The following TPST2 variants were observed in gnomAD, a reference collection of about 807,000 sequenced individuals.
TPST2 encodes the protein tyrosylprotein sulfotransferase 2, also known as protein-tyrosine sulfotransferase 2.
In TPST2, 16 loss-of-function variants were observed where a neutral mutation model predicts 27.8. The ratio of observed to expected loss-of-function variants is 0.58; its 90% CI spans 0.39 to 0.88. The LOEUF is 0.88. Ranked by LOEUF, TPST2 falls within the 40% of genes least tolerant of loss-of-function variation. The pLI, the probability that TPST2 is intolerant of heterozygous loss-of-function variation, is 0.00. For synonymous variants in TPST2, 229 were observed against 231.7 expected (o/e 0.99, Z 0.10); for missense variants, 464 against 543.1 (o/e 0.85, Z 1.45).
chr22:26,543,088 A>T (rs1029893581), intron 2 of TPST2: 9 of 152,218 alleles, frequency 5.9e-5, no homozygotes, highest in African/African-American at 9.6e-5. Flanking sequence ...CAGCTGCAAA[A>T]TCAGGGTGGA....
At chr22:26,560,489 TGG>T in intron 1 of TPST2, 1 of 783,884 alleles carries the variant, frequency 1.3e-6, no homozygotes, top group South Asian at 1.5e-5. Flanking sequence ...GGACGGGCAC[TGG>T]GCGACTGTGC....
intron 1 of TPST2, among the ~76,000 whole-genome samples, chr22:26,579,204 A>G (rs944908711): frequency 6.6e-6 from 1 of 152,152 alleles, no homozygotes; most frequent in African/African-American, 2.4e-5. Flanking sequence ...CAAAACTCTT[A>G]GCCATCAAAT....
chr22:26,567,925 G>A (rs1479115834), intron 1 of TPST2, among the ~76,000 whole-genome samples: 1 of 152,220 alleles, frequency 6.6e-6, no homozygotes, highest in African/African-American at 2.4e-5. Context: ...TGGCAAGGAT[G>A]TAATGCAACC....
At chr22:26,550,840 G>C (rs377385404) in intron 1 of TPST2, among the ~76,000 whole-genome samples, 1 of 152,322 alleles carries the variant, frequency 6.6e-6, no homozygotes, top group African/African-American at 2.4e-5. Context: ...GGGGAAGCCA[G>C]CCAAGAAAGC....
At chr22:26,536,570 G>A (rs1429254527) in intron 3 of TPST2, 84 bp from the exon 4 acceptor site, 4 of 1,299,064 alleles carry the variant, frequency 3.1e-6, no homozygotes, top group Non-Finnish European at 1.0e-6. Context: ...CTCTGGGGCA[G>A]CAGGAAAGAC....
intron 1 of TPST2, among the ~76,000 whole-genome samples, chr22:26,576,027 T>A (rs9613217): frequency 2.7e-5 from 4 of 150,402 alleles, no homozygotes; most frequent in Admixed American, 6.6e-5. Flanking sequence ...AAATAAAAAA[T>A]AAATAAATAA....
At chr22:26,579,155 C>A (rs1269189272) in intron 1 of TPST2, among the ~76,000 whole-genome samples, 1 of 152,170 alleles carries the variant, frequency 6.6e-6, no homozygotes, top group Non-Finnish European at 1.5e-5. Context: ...TGTGCCCAGC[C>A]TGGAGGCAAG....
intron 2 of TPST2, among the ~76,000 whole-genome samples, chr22:26,542,041 A>G (rs1925880658): frequency 6.6e-6 from 1 of 151,404 alleles, no homozygotes; most frequent in Non-Finnish European, 1.5e-5. Context: ...CAGGAGATCG[A>G]GACCATCCTG....
Position 26,541,429 on chromosome 22 carries a change from T to G in TPST2, c.202A>C (p.Met68Leu). 1 of 1,584,472 alleles carries G rather than the reference T, an allele frequency of 6.3e-7. No individual in the cohort carries two copies. Among genetic ancestry groups the G allele is most frequent in the East Asian group, 2.2e-5 (1 of 44,472 alleles). Residue 68 changes from methionine (M) to leucine (L), a missense_variant, in exon 3 of 7, where the codon ATG (methionine) becomes CTG (leucine). Transcript: ENST00000338754. This position sits in a 1 kb window ranked among gnomAD's most constrained non-coding sequence, Gnocchi z 5.9. ...NHVEYRYGKAMPLIFVGGVPR... is the reference protein window; with the variant it reads ...NHVEYRYGKALPLIFVGGVPR... ...ACGCCACCCACGAAGATGAGCGGCA[T>G]GGCCTTGCCATAGCGGTATTCCACG...
chr22:26,553,974 C>T (rs966062108), intron 1 of TPST2, among the ~76,000 whole-genome samples: 1 of 152,092 alleles, frequency 6.6e-6, no homozygotes, highest in Admixed American at 6.6e-5. Context: ...GCTGAATCCC[C>T]GCATGCAGAA....
chr22:26,577,773 C>A (rs1927915938), intron 1 of TPST2, among the ~76,000 whole-genome samples: 1 of 151,536 alleles, frequency 6.6e-6, no homozygotes, highest in South Asian at 2.1e-4. Context: ...ATTCTCCTGC[C>A]TCAGCCTCCT....
chr22:26,557,325 T>C (rs926250803), intron 1 of TPST2, among the ~76,000 whole-genome samples: 5 of 152,220 alleles, frequency 3.3e-5, no homozygotes, highest in Non-Finnish European at 5.9e-5. Flanking sequence ...CCCAGACCCT[T>C]GGCAGCATCA....
intron 1 of TPST2, among the ~76,000 whole-genome samples, chr22:26,578,855 T>C (rs1309592264): frequency 6.8e-6 from 1 of 146,186 alleles, no homozygotes; most frequent in African/African-American, 2.5e-5. Context: ...CTTTCTTTCT[T>C]TTTTTTTTTT....
chr22:26,583,459 C>T (rs931910518), intron 1 of TPST2, among the ~76,000 whole-genome samples: 6 of 109,290 alleles, frequency 5.5e-5, no homozygotes, highest in Admixed American at 1.0e-4. Context: ...AAAAAAAATG[C>T]CTTGAGGGCT....
rs957275487 is a variant in TPST2, at chr22:26,526,167, G to GT, written c.*107dup. The GT allele has an allele frequency of 6.6e-6, 1 of 152,200 alleles. No homozygotes were observed. Among genetic ancestry groups the GT allele is most frequent in the Non-Finnish European group, 1.5e-5 (1 of 68,040 alleles). 9.4% of individuals were successfully genotyped at this position (152,200 alleles called of 1,614,324 possible). On this transcript the variant is annotated 3_prime_UTR_variant, in exon 7 of 7. Coordinates refer to ENST00000338754, the MANE Select transcript of TPST2 (RefSeq NM_003595.5). ...AAATACATTCCTCATCAGCAGTCCTGTTTTGGCGATTAATAGCAAGCAATA... is the reference window on the plus strand; with the variant it reads ...AAATACATTCCTCATCAGCAGTCCTGTTTTTGGCGATTAATAGCAAGCAATA...
intron 1 of TPST2, among the ~76,000 whole-genome samples, chr22:26,550,310 G>A (rs964322287): frequency 2.6e-5 from 4 of 152,152 alleles, no homozygotes; most frequent in African/African-American, 9.7e-5. Flanking sequence ...CAAGAAACCA[G>A]TATGTGAGAC....
intron 1 of TPST2, among the ~76,000 whole-genome samples, chr22:26,567,612 C>T (rs1927430973): frequency 6.6e-6 from 1 of 152,148 alleles, no homozygotes; most frequent in Admixed American, 6.5e-5. Context: ...TTCCCGGTTC[C>T]TCCTCTTATG....
chr22:26,587,116 A>G (rs560871529), intron 1 of TPST2, among the ~76,000 whole-genome samples: 18 of 152,224 alleles, frequency 1.2e-4, no homozygotes, highest in African/African-American at 4.1e-4. Flanking sequence ...GCAGGACCAG[A>G]CTTAATTTTG....
At chr22:26,566,574 A>G (rs1171154901) in intron 1 of TPST2, among the ~76,000 whole-genome samples, 5 of 151,712 alleles carry the variant, frequency 3.3e-5, no homozygotes, top group Non-Finnish European at 7.4e-5. Flanking sequence ...AAAGACAAAG[A>G]AAAAGAAAAA....
Sources: gnomAD v4.1 joint callset for allele counts (sites outside exome capture counted in the v4.1 genomes callset) on GRCh38, gnomAD v4.1.1 for gene constraint, Gnocchi (gnomAD v3.1) non-coding constraint, MANE v1.5 for transcripts, NCBI Gene and HGNC (gene_info 2026-07-23, HGNC 2026-07-21) for gene names.